Variants in SAP30BP observed in about 807,000 individuals in gnomAD.
SAP30BP encodes SAP30-binding protein.
Under a neutral mutation model 46.3 loss-of-function variants are expected in SAP30BP, and 31 were observed. The ratio of observed to expected loss-of-function variants is 0.67; its 90% CI spans 0.50 to 0.90. The LOEUF is 0.90. Ranked by LOEUF, SAP30BP falls within the 40% of genes least tolerant of loss-of-function variation. The pLI, the probability that SAP30BP is intolerant of heterozygous loss-of-function variation, is 0.00. For synonymous variants in SAP30BP, 169 were observed against 144.2 expected, an observed-to-expected ratio of 1.17 and a Z score of -1.23; for missense variants, 312 against 391.0, an observed-to-expected ratio of 0.80 and a Z score of 1.70.
intron 5 of SAP30BP, among the ~76,000 whole-genome samples, chr17:75,702,180 A>G (rs1040689944): frequency 2.0e-5 from 3 of 151,984 alleles, no homozygotes; most frequent in Non-Finnish European, 4.4e-5. Context: ...GCCCCACCAC[A>G]CCCAGCTAAT....
At chr17:75,700,873 T>C (rs1378929331) in intron 5 of SAP30BP, among the ~76,000 whole-genome samples, 3 of 152,216 alleles carry the variant, frequency 2.0e-5, no homozygotes, top group Non-Finnish European at 4.4e-5. Flanking sequence ...ACCCTCCTGA[T>C]GGTGGAAACC....
intron 3 of SAP30BP, among the ~76,000 whole-genome samples, chr17:75,675,275 C>G (rs1163846071): frequency 6.6e-6 from 1 of 152,096 alleles, no homozygotes; most frequent in African/African-American, 2.4e-5. Context: ...CTCAGCCTCC[C>G]GAGTAGCTGG....
In SAP30BP at chr17:75,706,528, G is replaced by A. The variant is rs199634823; in HGVS notation, c.*7G>A. 1 of 1,613,500 alleles carries A rather than the reference G, an allele frequency of 6.2e-7. No homozygotes were observed. The highest frequency in any genetic ancestry group is 1.3e-5 in the African/African-American group (1 of 75,008). On this transcript the variant is annotated 3_prime_UTR_variant, in exon 11 of 11. Transcript: ENST00000584667. This position sits in a 1 kb window ranked among gnomAD's most constrained non-coding sequence, Gnocchi z 4.6. ...GAAGAAGGCCAAGCAGTGACCTGAGGGGCCACCCTAGGACTTGAAAGGACC... is the reference window on the plus strand; with the variant it reads ...GAAGAAGGCCAAGCAGTGACCTGAGAGGCCACCCTAGGACTTGAAAGGACC...
intron 2 of SAP30BP, 48 bp from the exon 3 acceptor site, chr17:75,671,768 T>C (rs749479897): frequency 6.6e-7 from 1 of 1,510,510 alleles, no homozygotes; most frequent in South Asian, 1.1e-5. Context: ...GTGAGACTCC[T>C]CAGGCCCGCT....
chr17:75,697,205 C>CA (rs1339737735), intron 4 of SAP30BP, among the ~76,000 whole-genome samples: 1 of 152,218 alleles, frequency 6.6e-6, no homozygotes, highest in Admixed American at 6.5e-5. Flanking sequence ...CTCTCTGTCA[C>CA]AAGCACAGAT....
At chr17:75,693,964 A>G (rs529517645) in intron 4 of SAP30BP, among the ~76,000 whole-genome samples, 5 of 152,240 alleles carry the variant, frequency 3.3e-5, no homozygotes, top group South Asian at 4.1e-4. Flanking sequence ...CAGGGACACT[A>G]TGTTTCTGGA....
chr17:75,699,924 C>T (rs1249000049), intron 5 of SAP30BP, 53 bp downstream of exon 5: 1 of 1,341,032 alleles, frequency 7.5e-7, no homozygotes, highest in Non-Finnish European at 1.1e-6. Context: ...GCCTGGGTTA[C>T]GTGTTTGGTT....
At chr17:75,687,394 T>C (rs2060172520) in intron 3 of SAP30BP, among the ~76,000 whole-genome samples, 1 of 152,078 alleles carries the variant, frequency 6.6e-6, no homozygotes, top group South Asian at 2.1e-4. Flanking sequence ...GGCAGGAGGA[T>C]TGCTTGAGCC....
chr17:75,684,702 C>G (rs1213767821), intron 3 of SAP30BP: 1 of 152,212 alleles, frequency 6.6e-6, no homozygotes, highest in Non-Finnish European at 1.5e-5. Context: ...CGTGGAGTGG[C>G]TGTGCTGGGA....
intron 5 of SAP30BP, among the ~76,000 whole-genome samples, chr17:75,702,205 T>C (rs1388113771): frequency 6.6e-6 from 1 of 152,160 alleles, no homozygotes; most frequent in Non-Finnish European, 1.5e-5. Flanking sequence ...TTTGTATTTT[T>C]AGTAGAGATG....
intron 3 of SAP30BP, among the ~76,000 whole-genome samples, chr17:75,677,011 A>C (rs2060000519): frequency 1.3e-5 from 2 of 151,926 alleles, no homozygotes; most frequent in African/African-American, 4.8e-5. Flanking sequence ...GTATTTATGC[A>C]TGCCTCTCAT....
intron 9 of SAP30BP, chr17:75,705,206 G>A (rs1004619146): frequency 2.9e-5 from 7 of 242,242 alleles, no homozygotes; most frequent in East Asian, 1.1e-4. Context: ...TCAGTGGCTC[G>A]CCTGGGTGCT....
chr17:75,697,382 C>T (rs1179537571), intron 4 of SAP30BP, among the ~76,000 whole-genome samples: 1 of 152,222 alleles, frequency 6.6e-6, no homozygotes, highest in East Asian at 1.9e-4. Flanking sequence ...GCACTTTCAC[C>T]TATTCCAGGG....
chr17:75,673,753 G>A (rs946175520), intron 3 of SAP30BP, among the ~76,000 whole-genome samples: 1 of 152,176 alleles, frequency 6.6e-6, no homozygotes, highest in Non-Finnish European at 1.5e-5. Context: ...TCACTAAAGA[G>A]CGGGGTGGGA....
rs543605646 is a variant in SAP30BP at position 75,688,398 on chromosome 17, T to G, written c.265-5042T>G. ...GCCACGTACTTGTAAGATGCAAGAT[T>G]ACATTGCCCAACAGGAAACCCCCAG... On this transcript the variant is annotated intron_variant, in intron 3 of 10. Transcript: ENST00000584667. 3.9e-5 allele frequency among the ~76,000 whole-genome samples: 6 copies of G among 152,302 alleles called. No individual in the cohort carries two copies. The South Asian group carries it at 1.2e-3, about 32-fold the overall frequency.
intron 8 of SAP30BP, 188 bp from the exon 9 acceptor site, chr17:75,704,568 C>T (rs1365737366): frequency 1.0e-5 from 6 of 588,364 alleles, no homozygotes; most frequent in Admixed American, 2.9e-5. Flanking sequence ...GCATGCAGCC[C>T]GCCAGTCTGG....
chr17:75,678,025 G>A (rs820134), intron 3 of SAP30BP, among the ~76,000 whole-genome samples: 44,410 of 151,766 alleles, frequency 0.29, 6,731 homozygotes, highest in Middle Eastern at 0.36. Flanking sequence ...GCCTTATGGG[G>A]TCTTGAGCCA....
intron 7 of SAP30BP, chr17:75,703,600 C>T: frequency 1.6e-6 from 1 of 637,062 alleles, no homozygotes. Flanking sequence ...CATGTGTGGA[C>T]CTGCTGCTCC....
At position 75,706,161 on chromosome 17, in the gene SAP30BP, G is replaced by T; in HGVS notation, c.745+69G>T. Reference sequence around the variant, plus strand: ...CAGGGTCTCCCTGGCTTGTTTGGGCGACAGACAGCACGTGGATCTGGGCCT... The same window carrying T: ...CAGGGTCTCCCTGGCTTGTTTGGGCTACAGACAGCACGTGGATCTGGGCCT... On this transcript the variant is annotated intron_variant, in intron 10 of 10. Transcript: ENST00000584667. This position sits in a 1 kb window ranked among gnomAD's most constrained non-coding sequence, Gnocchi z 4.6. 6.3e-7 allele frequency: 1 copy of T among 1,574,938 alleles called. No homozygotes were observed. The highest frequency in any genetic ancestry group is 1.1e-5 in the South Asian group (1 of 88,144).
Sources: allele counts gnomAD v4.1 joint callset (sites outside exome capture counted in the v4.1 genomes callset), GRCh38; gene constraint gnomAD v4.1.1; non-coding constraint Gnocchi (gnomAD v3.1); transcripts MANE v1.5; gene names NCBI Gene and HGNC (gene_info 2026-07-23, HGNC 2026-07-21).